LRRIQ3: variants seen among roughly 807,000 people sequenced by gnomAD.
LRRIQ3 encodes leucine-rich repeat and IQ domain-containing protein 3.
In LRRIQ3, 75 loss-of-function variants were observed where a neutral mutation model predicts 59.3. The ratio of observed to expected loss-of-function variants is 1.26; its 90% CI spans 1.05 to 1.53. The LOEUF (loss-of-function observed/expected upper bound fraction) is 1.53. Among genes scored for constraint, LRRIQ3 ranks in the 40% most tolerant of loss-of-function variants. LRRIQ3 has a pLI of 0.00. For missense variants in LRRIQ3, 831 were observed against 710.0 expected, an observed-to-expected ratio of 1.17 and a Z score of -1.94; for synonymous variants, 250 against 231.3, an observed-to-expected ratio of 1.08 and a Z score of -0.73.
chr1:74,167,572 T>A (rs1027331632), intron 3 of LRRIQ3, among the ~76,000 whole-genome samples: 5 of 151,766 alleles, frequency 3.3e-5, no homozygotes, highest in Admixed American at 2.6e-4. Flanking sequence ...TATTTTTTTT[T>A]AAAGAATGAT....
intron 7 of LRRIQ3, among the ~76,000 whole-genome samples, chr1:74,035,620 T>G (rs1382508727): frequency 6.6e-6 from 1 of 152,144 alleles, no homozygotes; most frequent in Non-Finnish European, 1.5e-5. Flanking sequence ...TTCTGAGATA[T>G]TTCTTGAAAG....
At chr1:74,088,602 A>T (rs1646357476) in intron 5 of LRRIQ3, among the ~76,000 whole-genome samples, 1 of 152,038 alleles carries the variant, frequency 6.6e-6, no homozygotes, top group African/African-American at 2.4e-5. Context: ...TGGTAGTGGG[A>T]CAAGTGGATA....
At chr1:74,160,282 T>G (rs1242797201) in intron 3 of LRRIQ3, among the ~76,000 whole-genome samples, 1 of 152,126 alleles carries the variant, frequency 6.6e-6, no homozygotes, top group East Asian at 1.9e-4. Flanking sequence ...AATACCTCTG[T>G]GCCTTTGCAA....
chr1:74,098,798 A>G (rs536196753), intron 5 of LRRIQ3, among the ~76,000 whole-genome samples: 72 of 152,356 alleles, frequency 4.7e-4, no homozygotes, highest in African/African-American at 1.7e-3. Context: ...CTGCTCCTGA[A>G]TGACTACTGG....
chr1:74,100,392 T>A (rs368422819), intron 5 of LRRIQ3, among the ~76,000 whole-genome samples: 1 of 151,998 alleles, frequency 6.6e-6, no homozygotes. Flanking sequence ...AAACCACTGC[T>A]CAACAAAATA....
intron 6 of LRRIQ3, among the ~76,000 whole-genome samples, chr1:74,071,580 G>T (rs1655030267): frequency 6.6e-6 from 1 of 152,084 alleles, no homozygotes; most frequent in African/African-American, 2.4e-5. Context: ...TGTTTCATTT[G>T]AGTCTTTTGA....
chr1:74,027,623 A>C (rs996575566), intron 7 of LRRIQ3, among the ~76,000 whole-genome samples: 1 of 152,082 alleles, frequency 6.6e-6, no homozygotes, highest in East Asian at 1.9e-4. Context: ...ATTACTGTTT[A>C]AGCCACCCAG....
chr1:74,144,948 A>C (rs1216042784), intron 4 of LRRIQ3, among the ~76,000 whole-genome samples: 1 of 152,048 alleles, frequency 6.6e-6, no homozygotes, highest in Non-Finnish European at 1.5e-5. Flanking sequence ...TTTTAAATTA[A>C]ATTTAAAATA....
intron 4 of LRRIQ3, among the ~76,000 whole-genome samples, chr1:74,112,762 A>C (rs1174075240): frequency 6.6e-6 from 1 of 152,170 alleles, no homozygotes; most frequent in African/African-American, 2.4e-5. Context: ...AGGCTTGCAC[A>C]ATGCAGGGAA....
chr1:74,080,032 T>A (rs980700), intron 5 of LRRIQ3, among the ~76,000 whole-genome samples: 5,075 of 151,844 alleles, frequency 0.033, 300 homozygotes, highest in African/African-American at 0.12. Flanking sequence ...TCTGAATTTT[T>A]TGGTGTTTCT....
At chr1:74,066,929 C>G (rs2100458402) in intron 6 of LRRIQ3, among the ~76,000 whole-genome samples, 1 of 152,174 alleles carries the variant, frequency 6.6e-6, no homozygotes, top group Admixed American at 6.6e-5. Flanking sequence ...GTATGCTTAG[C>G]CCAGAAGTGA....
At chr1:74,138,026 GCACGTGTATACC>G (rs1647154885) in intron 4 of LRRIQ3, among the ~76,000 whole-genome samples, 1 of 151,640 alleles carries the variant, frequency 6.6e-6, no homozygotes, top group Non-Finnish European at 1.5e-5. Context: ...AACCACCATG[GCACGTGTATACC>G]TGTATAACAA....
At chr1:74,053,776 C>T (rs902021824) in intron 6 of LRRIQ3, among the ~76,000 whole-genome samples, 3 of 152,078 alleles carry the variant, frequency 2.0e-5, no homozygotes, top group South Asian at 2.1e-4. Flanking sequence ...TAAAAAGATG[C>T]TCCACATCAT....
At chr1:74,173,037 C>CA (rs1320488325) in intron 3 of LRRIQ3, among the ~76,000 whole-genome samples, 1 of 152,126 alleles carries the variant, frequency 6.6e-6, no homozygotes, top group Non-Finnish European at 1.5e-5. Flanking sequence ...CACAGTGGCT[C>CA]ACGCCTGTAA....
intron 5 of LRRIQ3, among the ~76,000 whole-genome samples, chr1:74,084,726 T>C (rs17094849): frequency 0.033 from 5,077 of 151,798 alleles, 302 homozygotes; most frequent in African/African-American, 0.12. Context: ...TATTTTACCT[T>C]TAATAGTAGT....
chr1:74,051,305 C>A (rs76201514), intron 6 of LRRIQ3, among the ~76,000 whole-genome samples: 1,651 of 152,188 alleles, frequency 0.011, 8 homozygotes, highest in Middle Eastern at 0.044. Context: ...CACTAATGTA[C>A]AAATTGCTTA....
At position 74,041,829 on chromosome 1, in the gene LRRIQ3, C is replaced by T. The variant is rs2100390170; in HGVS notation, c.1102G>A (p.Ala368Thr). ...TGTTGTTTTTTCTCTCTCAATACTG[C>T]ATTATTCTTCAATGAACCTGAAGTG... ...IYTSGSLKNN[A>T]VLREKKQHFF... The change falls in exon 7 of 8, where the codon GCA (alanine) becomes ACA (threonine). Residue 368 changes from alanine (A) to threonine (T), a missense_variant. Transcript: ENST00000354431. The T allele has an allele frequency of 6.2e-7, 1 of 1,613,450 alleles. No homozygotes were observed. Among genetic ancestry groups the T allele is most frequent in the Non-Finnish European group, 8.5e-7 (1 of 1,179,686 alleles).
At chr1:74,059,455 G>A (rs1654636667) in intron 6 of LRRIQ3, among the ~76,000 whole-genome samples, 1 of 151,964 alleles carries the variant, frequency 6.6e-6, no homozygotes, top group Admixed American at 6.6e-5. Context: ...ATTTTTGAAT[G>A]TAGATATATA....
chr1:74,146,001 A>G (rs900025736), intron 4 of LRRIQ3, among the ~76,000 whole-genome samples: 1 of 152,118 alleles, frequency 6.6e-6, no homozygotes, highest in Non-Finnish European at 1.5e-5. Flanking sequence ...TCTCTTTTCT[A>G]TATTTAGATA....
Sources: gnomAD v4.1 joint callset for allele counts (sites outside exome capture counted in the v4.1 genomes callset) on GRCh38, gnomAD v4.1.1 for gene constraint, MANE v1.5 for transcripts, NCBI Gene and HGNC (gene_info 2026-07-23, HGNC 2026-07-21) for gene names.